The following OVOL2 variants were observed in gnomAD, a reference collection of about 807,000 sequenced individuals.
OVOL2 encodes transcription factor Ovo-like 2.
Under a neutral mutation model 18.1 loss-of-function variants are expected in OVOL2, and 13 were observed. The ratio of observed to expected loss-of-function variants is 0.72; its 90% confidence interval spans 0.47 to 1.14. The LOEUF (loss-of-function observed/expected upper bound fraction) is 1.14. OVOL2 is among the 50% of genes most tolerant of loss of function. The pLI, the probability that OVOL2 is intolerant of heterozygous loss-of-function variation, is 0.00. For missense variants in OVOL2, 335 were observed against 383.0 expected (o/e 0.87, Z 1.05); for synonymous variants, 166 against 162.7 (o/e 1.02, Z -0.16).
chr20:18,027,847 G>A (rs2036534108), intron 3 of OVOL2, among the ~76,000 whole-genome samples: 2 of 152,056 alleles, frequency 1.3e-5, no homozygotes, highest in African/African-American at 4.8e-5. Context: ...CTCCCATCTC[G>A]GCCTCCCAAA....
chr20:18,057,689 G>C lies in OVOL2; in HGVS notation c.-55C>G. The C allele has an allele frequency of 6.7e-7, 1 of 1,499,184 alleles. No homozygotes were observed. The highest frequency in any genetic ancestry group is 8.9e-7 in the Non-Finnish European group (1 of 1,122,734). 92.9% of individuals were successfully genotyped at this position (1,499,184 alleles called of 1,614,324 possible). ...CCTCCTCCCGGCTGCTCCCCGCTAG[G>C]GGCAACGGCGGCGGCTCCGTCCCCG... On this transcript the variant is annotated 5_prime_UTR_variant, in exon 1 of 4. Coordinates refer to ENST00000278780, the MANE Select transcript of OVOL2 (RefSeq NM_021220.4). The surrounding 1 kb of genome is among the most constrained non-coding windows in gnomAD (Gnocchi z 6.3).
At chr20:18,048,164 A>G (rs1230292390) in intron 2 of OVOL2, among the ~76,000 whole-genome samples, 1 of 151,674 alleles carries the variant, frequency 6.6e-6, no homozygotes, top group African/African-American at 2.4e-5. Flanking sequence ...GTGCACGCCT[A>G]TAGTCCCAGC....
chr20:18,032,260 G>C (rs1251230799), intron 3 of OVOL2, among the ~76,000 whole-genome samples: 2 of 142,712 alleles, frequency 1.4e-5, no homozygotes, highest in Non-Finnish European at 3.0e-5. Context: ...AAAGAAGAGA[G>C]GGAAAGAAAG....
intron 2 of OVOL2, among the ~76,000 whole-genome samples, chr20:18,053,659 C>T (rs2036789368): frequency 6.8e-6 from 1 of 147,746 alleles, no homozygotes; most frequent in Non-Finnish European, 1.5e-5. Context: ...TGAGATTGCG[C>T]AACTGTACTC....
chr20:18,028,297 C>T (rs1383535055), intron 3 of OVOL2, among the ~76,000 whole-genome samples: 2 of 151,940 alleles, frequency 1.3e-5, no homozygotes, highest in Non-Finnish European at 2.9e-5. Context: ...CTGCCTCAGC[C>T]TCCCAAGTAG....
chr20:18,032,321 A>G (rs934921389), intron 3 of OVOL2, among the ~76,000 whole-genome samples: 1 of 147,072 alleles, frequency 6.8e-6, no homozygotes, highest in East Asian at 2.1e-4. Context: ...GAGAGAGAGA[A>G]AGAAAGAGAG....
intron 2 of OVOL2, among the ~76,000 whole-genome samples, chr20:18,049,287 C>T (rs1029968614): frequency 6.6e-6 from 1 of 152,202 alleles, no homozygotes; most frequent in Admixed American, 6.5e-5. Context: ...TCGGCTGGCC[C>T]TCTGACCAGC....
chr20:18,057,257 T>C lies in OVOL2; in HGVS notation c.100+278A>G, dbSNP rs1317680914. On this transcript the variant is annotated intron_variant, in intron 1 of 3. Coordinates refer to ENST00000278780, the MANE Select transcript of OVOL2 (RefSeq NM_021220.4). The surrounding 1 kb of genome is among the most constrained non-coding windows in gnomAD (Gnocchi z 6.3). ...GAGATTGGGGGTAGCCTCTGCTGGC[T>C]TTCAATCCCTTTCCTGGGCCACCTT... 6.6e-6 allele frequency among the ~76,000 whole-genome samples: 1 copy of C among 152,074 alleles called. No homozygotes were observed. The highest frequency in any genetic ancestry group is 1.5e-5 in the Non-Finnish European group (1 of 68,002).
At chr20:18,058,930 G>A (rs2036854487), upstream of OVOL2, 1 of 152,222 alleles carries the variant, frequency 6.6e-6, no homozygotes, top group Non-Finnish European at 1.5e-5. Flanking sequence ...TTGTTCGGGT[G>A]CGCCCAGGAC....
intron 3 of OVOL2, among the ~76,000 whole-genome samples, chr20:18,033,097 T>G (rs1311530225): frequency 6.6e-6 from 1 of 152,194 alleles, no homozygotes; most frequent in Non-Finnish European, 1.5e-5. Flanking sequence ...TCTGGCCCAC[T>G]CCAAACATCT....
In OVOL2 at chr20:18,024,353, G is replaced by GA. The variant is rs3215639; in HGVS notation, c.*282dup. 206 of 370,848 alleles carry GA rather than the reference G, an allele frequency of 5.6e-4. No individual in the cohort carries two copies. Among genetic ancestry groups the GA allele is most frequent in the Middle Eastern group, 1.5e-3 (2 of 1,296 alleles). 23.0% of individuals were successfully genotyped at this position (370,848 alleles called of 1,614,324 possible). On this transcript the variant is annotated 3_prime_UTR_variant, in exon 4 of 4. Coordinates refer to ENST00000278780, the MANE Select transcript of OVOL2 (RefSeq NM_021220.4). ...CTTCCGTGTGTGAAAATCCTTGGGG[G>GA]AAAAAAAAATCCCACACGGTGTTCT... is the stretch of plus-strand genomic sequence containing the variant.
chr20:18,056,906 C>T lies in OVOL2; in HGVS notation c.101-29G>A. The T allele has an allele frequency of 1.4e-6, 2 of 1,473,226 alleles. No individual in the cohort carries two copies. 91.3% of individuals were successfully genotyped at this position (1,473,226 alleles called of 1,614,324 possible). On this transcript the variant is annotated intron_variant, in intron 1 of 3. Transcript: ENST00000278780. This position sits in a 1 kb window ranked among gnomAD's most constrained non-coding sequence, Gnocchi z 4.2. ...TGGAGGGAGGGGCCGCGCCCCGACACACACACTCGGCGTCAACCCGCACGC... is the reference window on the plus strand; with the variant it reads ...TGGAGGGAGGGGCCGCGCCCCGACATACACACTCGGCGTCAACCCGCACGC...
chr20:18,030,079 TGTTG>T (rs2036554640), intron 3 of OVOL2, among the ~76,000 whole-genome samples: 1 of 152,232 alleles, frequency 6.6e-6, no homozygotes, highest in Non-Finnish European at 1.5e-5. Context: ...GGATGAACTC[TGTTG>T]GTTCCAGGAA....
At chr20:18,029,683 T>C (rs1156552488) in intron 3 of OVOL2, among the ~76,000 whole-genome samples, 1 of 152,120 alleles carries the variant, frequency 6.6e-6, no homozygotes, top group Non-Finnish European at 1.5e-5. Flanking sequence ...ACCTTTTCTC[T>C]TAAAACTATT....
intron 2 of OVOL2, 56 bp from the exon 3 acceptor site, chr20:18,041,779 C>T (rs2036672508): frequency 6.5e-7 from 1 of 1,537,784 alleles, no homozygotes; most frequent in Non-Finnish European, 8.9e-7. Context: ...ATCCAGTAGG[C>T]TCACTCAAGA....
intron 3 of OVOL2, among the ~76,000 whole-genome samples, chr20:18,033,202 G>A (rs2036586348): frequency 6.6e-6 from 1 of 152,170 alleles, no homozygotes; most frequent in Non-Finnish European, 1.5e-5. Context: ...GATGGGATTT[G>A]TGTGCCTTCT....
At chr20:18,030,930 C>T (rs2036563481) in intron 3 of OVOL2, among the ~76,000 whole-genome samples, 1 of 152,202 alleles carries the variant, frequency 6.6e-6, no homozygotes, top group Non-Finnish European at 1.5e-5. Flanking sequence ...CAAGCACCTC[C>T]CTCCCAGAGC....
Position 18,024,905 on chromosome 20 carries a change from G to A in OVOL2, c.559C>T (p.Arg187Cys), listed in dbSNP as rs552512283. 5.6e-6 allele frequency: 9 copies of A among 1,614,114 alleles called. No individual in the cohort carries two copies. The highest frequency in any genetic ancestry group is 1.3e-5 in the African/African-American group (1 of 75,024). ...CNVCNKAFTQ[R>C]CSLESHLKKI... ...TTCAGGTGGGACTCCAGAGAGCAGC[G>A]CTGGGTGAAGGCTTTATTGCAGACG... Residue 187 changes from arginine to cysteine, a missense_variant, in exon 4 of 4, where the codon CGC (arginine) becomes TGC (cysteine). Arg to Cys is a radical substitution (Grantham distance 180). Coordinates refer to ENST00000278780, the MANE Select transcript of OVOL2 (RefSeq NM_021220.4).
At chr20:18,034,025 T>G (rs1444490039) in intron 3 of OVOL2, among the ~76,000 whole-genome samples, 1 of 152,206 alleles carries the variant, frequency 6.6e-6, no homozygotes, top group Non-Finnish European at 1.5e-5. Flanking sequence ...TATTTTGAGC[T>G]GGTCAGCAGG....
Sources: gnomAD v4.1 joint callset for allele counts (sites outside exome capture counted in the v4.1 genomes callset) on GRCh38, gnomAD v4.1.1 for gene constraint, Gnocchi (gnomAD v3.1) non-coding constraint, MANE v1.5 for transcripts, NCBI Gene and HGNC (gene_info 2026-07-23, HGNC 2026-07-21) for gene names.